Variants in PARP11 observed in about 807,000 individuals in gnomAD.
PARP11 encodes the protein poly(ADP-ribose) polymerase family member 11.
Under a neutral mutation model 42.9 loss-of-function variants are expected in PARP11, and 31 were observed. That is an observed-to-expected ratio of 0.72 (90% confidence interval 0.54 to 0.98). PARP11 has a LOEUF of 0.98. Among genes scored for constraint, PARP11 ranks in the 50% least tolerant of loss-of-function variants. PARP11 has a pLI of 0.00. For synonymous variants in PARP11, 137 were observed against 127.3 expected, an observed-to-expected ratio of 1.08 and a Z score of -0.51; for missense variants, 365 against 413.1, an observed-to-expected ratio of 0.88 and a Z score of 1.01.
intron 1 of PARP11, among the ~76,000 whole-genome samples, chr12:3,835,616 A>T (rs7309763): frequency 0.034 from 5,224 of 152,314 alleles, 129 homozygotes; most frequent in South Asian, 0.11. Context: ...AAAGACATAA[A>T]TGAAACTTTG....
chr12:3,840,823 AAGAAGTT>A lies in PARP11; in HGVS notation c.19-10812_19-10806del, dbSNP rs1309431603. On this transcript the variant is annotated intron_variant, in intron 1 of 7. Coordinates refer to ENST00000228820, the MANE Select transcript of PARP11 (RefSeq NM_020367.6). This position sits in a 1 kb window ranked among gnomAD's most constrained non-coding sequence, Gnocchi z 4.4. ...AACAGTTTCATCACCATCAAAGTCA[AAGAAGTT>A]AGAGTGCCCTTCTCCTGCAGAACAA... 7 of 1,594,904 alleles carry A rather than the reference AAGAAGTT, an allele frequency of 4.4e-6. No homozygotes were observed. The Admixed American group carries it at 1.2e-4, about 27-fold the overall frequency.
rs1452598558 is a variant in PARP11 at position 3,861,313 on chromosome 12, A to G, written c.18+11899T>C. The stretch of plus-strand genomic sequence containing the variant: ...ATGAAAATGGGGCCTTTGGGAGGTG[A>G]TTAGATCATGAAGGCAAAGTCCTCA... On this transcript the variant is annotated intron_variant, in intron 1 of 7. Coordinates refer to ENST00000228820, the MANE Select transcript of PARP11 (RefSeq NM_020367.6). The surrounding 1 kb of genome is among the most constrained non-coding windows in gnomAD (Gnocchi z 4.6). Among the ~76,000 whole-genome samples the G allele has an allele frequency of 1.3e-5, 2 of 152,204 alleles. No homozygotes were observed. Among genetic ancestry groups the G allele is most frequent in the African/African-American group, 4.8e-5 (2 of 41,454 alleles).
At chr12:3,815,942 G>A (rs985573749) in intron 6 of PARP11, among the ~76,000 whole-genome samples, 5 of 152,222 alleles carry the variant, frequency 3.3e-5, no homozygotes, top group African/African-American at 4.8e-5. Context: ...TGACAGAGAT[G>A]AAAACGCATA....
At chr12:3,866,149 T>C (rs969359258) in intron 1 of PARP11, among the ~76,000 whole-genome samples, 8 of 152,176 alleles carry the variant, frequency 5.3e-5, no homozygotes, top group Non-Finnish European at 2.9e-5. Flanking sequence ...GGATGTCTAA[T>C]GAGCTTCACA....
intron 2 of PARP11, among the ~76,000 whole-genome samples, chr12:3,829,396 G>A (rs571965481): frequency 1.3e-5 from 2 of 152,292 alleles, no homozygotes; most frequent in South Asian, 4.1e-4. Context: ...TACAGGTTTT[G>A]AGTGCGGATT....
At chr12:3,834,567 A>C (rs983956794) in intron 1 of PARP11, among the ~76,000 whole-genome samples, 24 of 151,106 alleles carry the variant, frequency 1.6e-4, no homozygotes, top group African/African-American at 5.8e-4. Flanking sequence ...CCAGGAGGCA[A>C]AGGTTTCAGT....
chr12:3,868,198 C>T (rs987685012), intron 1 of PARP11, among the ~76,000 whole-genome samples: 10 of 152,136 alleles, frequency 6.6e-5, no homozygotes, highest in African/African-American at 2.2e-4. Context: ...CGGTGGTTCA[C>T]GACTGTAATC....
chr12:3,839,753 T>C, intron 1 of PARP11: 2 of 1,123,718 alleles, frequency 1.8e-6, no homozygotes, highest in South Asian at 2.5e-5. Context: ...CATTATGATA[T>C]TGTGTATCCC....
Position 3,842,561 on chromosome 12 carries a change from A to G in PARP11, c.19-12543T>C, listed in dbSNP as rs1360784530. The G allele has an allele frequency of 3.7e-6, 5 of 1,345,820 alleles. No homozygotes were observed. The African/African-American group carries it at 4.4e-5, about 12-fold the overall frequency. 83.4% of individuals were successfully genotyped at this position (1,345,820 alleles called of 1,614,324 possible). ...TTTCTAACAGAAACTCTTAGGTGGA[A>G]TGTTTCTGAAGGCTTTAAAAAACTA... On this transcript the variant is annotated intron_variant, in intron 1 of 7. Transcript: ENST00000228820.
intron 1 of PARP11, among the ~76,000 whole-genome samples, chr12:3,859,734 G>T (rs1202373077): frequency 6.6e-6 from 1 of 152,028 alleles, no homozygotes; most frequent in Admixed American, 6.6e-5. Context: ...GATACAAATA[G>T]GTGGAAAGTA....
chr12:3,837,489 G>A (rs1947791840), intron 1 of PARP11, among the ~76,000 whole-genome samples: 1 of 151,988 alleles, frequency 6.6e-6, no homozygotes. Flanking sequence ...TAAAACATAC[G>A]ACCAGAGAAA....
At chr12:3,828,807 C>A in intron 3 of PARP11, 103 bp downstream of exon 3, 1 of 997,180 alleles carries the variant, frequency 1.0e-6, no homozygotes, top group Non-Finnish European at 1.5e-6. Flanking sequence ...AAAAGATATA[C>A]TTCACTGTTT....
Position 3,840,383 on chromosome 12 carries a change from G to A in PARP11, c.19-10365C>T. The A allele has an allele frequency of 6.2e-7, 1 of 1,613,940 alleles. No homozygotes were observed. The highest frequency in any genetic ancestry group is 1.1e-5 in the South Asian group (1 of 91,066). On this transcript the variant is annotated intron_variant, in intron 1 of 7. Coordinates refer to ENST00000228820, the MANE Select transcript of PARP11 (RefSeq NM_020367.6). The surrounding 1 kb of genome is among the most constrained non-coding windows in gnomAD (Gnocchi z 4.4). ...AATTTCCATTCTGATATGGATTACA[G>A]AGGGCCAAAGAATCCAAGCAAGCCA...
chr12:3,833,965 G>T (rs1591774133), intron 1 of PARP11, among the ~76,000 whole-genome samples: 1 of 152,108 alleles, frequency 6.6e-6, no homozygotes, highest in African/African-American at 2.4e-5. Flanking sequence ...TTCTGGAGAG[G>T]TGACACAGAG....
At chr12:3,821,280 TA>T (rs1320085867) in intron 6 of PARP11, among the ~76,000 whole-genome samples, 2 of 152,196 alleles carry the variant, frequency 1.3e-5, no homozygotes, top group African/African-American at 4.8e-5. Flanking sequence ...TTACATGTCA[TA>T]AAAAATATGG....
rs114799780 is a variant in PARP11, at chr12:3,833,030, G to A, written c.19-3012C>T. Among the ~76,000 whole-genome samples the A allele has an allele frequency of 2.4e-3, 367 of 152,278 alleles. 2 individuals are homozygous for A. The highest frequency in any genetic ancestry group is 8.5e-3 in the African/African-American group (352 of 41,554). ...AATTGAAAAGCTGTGTGGAAAATGA[G>A]TTTAAAGTCAAAATCCTGGTCTATA... On this transcript the variant is annotated intron_variant, in intron 1 of 7. Coordinates refer to ENST00000228820, the MANE Select transcript of PARP11 (RefSeq NM_020367.6).
At chr12:3,868,969 T>C (rs995940116) in intron 1 of PARP11, among the ~76,000 whole-genome samples, 1 of 152,194 alleles carries the variant, frequency 6.6e-6, no homozygotes, top group Non-Finnish European at 1.5e-5. Flanking sequence ...CTTCTAAAGG[T>C]TGTATGAGAG....
Position 3,812,052 on chromosome 12 carries a change from G to C in PARP11, c.*71C>G. On this transcript the variant is annotated 3_prime_UTR_variant, in exon 8 of 8. Coordinates refer to ENST00000228820, the MANE Select transcript of PARP11 (RefSeq NM_020367.6). ...TCAGATAATTAACATTTAGTGGCTA[G>C]ATGACTGAAGAGCAAACCTTCCTGC... is the stretch of plus-strand genomic sequence containing the variant. 1 of 1,139,462 alleles carries C rather than the reference G, an allele frequency of 8.8e-7. No individual in the cohort carries two copies. The highest frequency in any genetic ancestry group is 1.3e-6 in the Non-Finnish European group (1 of 798,798). The allele number at this position is 1,139,462 out of a possible 1,614,324, so 70.6% of individuals were successfully genotyped here.
intron 1 of PARP11, among the ~76,000 whole-genome samples, chr12:3,860,562 T>C (rs1948278480): frequency 1.3e-5 from 2 of 152,230 alleles, no homozygotes; most frequent in African/African-American, 2.4e-5. Flanking sequence ...TAAGATTTCA[T>C]GGAACTTGCT....
Sources: allele counts gnomAD v4.1 joint callset (sites outside exome capture counted in the v4.1 genomes callset), GRCh38; gene constraint gnomAD v4.1.1; non-coding constraint Gnocchi (gnomAD v3.1); transcripts MANE v1.5; gene names NCBI Gene and HGNC (gene_info 2026-07-23, HGNC 2026-07-21).